UNC13C: variants seen among roughly 807,000 people sequenced by gnomAD.
The protein encoded by UNC13C is protein unc-13 homolog C.
A neutral mutation model predicts 245.4 loss-of-function variants in UNC13C; 174 were observed. That is an observed-to-expected ratio of 0.71 (90% CI 0.63 to 0.80). The LOEUF is 0.80. Ranked by LOEUF, UNC13C falls within the 30% of genes least tolerant of loss-of-function variation. The pLI is 0.00. For missense variants in UNC13C, 2,829 were observed against 2,602.9 expected (o/e 1.09, Z -1.89); for synonymous variants, 992 against 895.1 (o/e 1.11, Z -1.93).
At chr15:54,545,708 CTCATTATTACTGG>C (rs1229944464) in intron 26 of UNC13C, among the ~76,000 whole-genome samples, 4 of 152,022 alleles carry the variant, frequency 2.6e-5, no homozygotes, top group Admixed American at 6.6e-5. Flanking sequence ...TGAAAAAAAG[CTCATTATTACTGG>C]TCATTATTAC....
At chr15:54,200,291 A>G (rs1169556608) in intron 4 of UNC13C, among the ~76,000 whole-genome samples, 1 of 152,086 alleles carries the variant, frequency 6.6e-6, no homozygotes, top group Non-Finnish European at 1.5e-5. Context: ...AAACTCAGCA[A>G]AGAAACAATG....
chr15:53,976,313 T>G (rs990357183), upstream of UNC13C, among the ~76,000 whole-genome samples: 1 of 152,176 alleles, frequency 6.6e-6, no homozygotes, highest in Non-Finnish European at 1.5e-5. Flanking sequence ...ATCGAAGCAT[T>G]CATGAAACAT....
At chr15:54,206,319 G>A (rs2034706589) in intron 4 of UNC13C, among the ~76,000 whole-genome samples, 2 of 151,916 alleles carry the variant, frequency 1.3e-5, no homozygotes, top group South Asian at 4.1e-4. Flanking sequence ...CTCCAATCAA[G>A]TCAAGTGATA....
the UNC13C span, among the ~76,000 whole-genome samples, chr15:53,874,103 G>A: frequency 6.6e-6 from 1 of 152,018 alleles, no homozygotes; most frequent in Admixed American, 6.6e-5. Flanking sequence ...AGCCTACTGA[G>A]TAGCTGGGAC....
intron 10 of UNC13C, among the ~76,000 whole-genome samples, chr15:54,291,592 G>A (rs1367069149): frequency 3.3e-5 from 5 of 151,874 alleles, no homozygotes; most frequent in Non-Finnish European, 4.4e-5. Flanking sequence ...TAATATGGAT[G>A]AAACATTGCC....
chr15:53,907,525 C>T, the UNC13C span, among the ~76,000 whole-genome samples: 2 of 152,064 alleles, frequency 1.3e-5, no homozygotes, highest in East Asian at 1.9e-4. Flanking sequence ...ATTGAGTATT[C>T]CTCTTATATT....
chr15:54,320,051 GC>G (rs1465731947), intron 13 of UNC13C, among the ~76,000 whole-genome samples: 2 of 151,914 alleles, frequency 1.3e-5, no homozygotes, highest in African/African-American at 4.8e-5. Context: ...GTAACAAAGT[GC>G]TTAGAAAAGA....
intron 25 of UNC13C, among the ~76,000 whole-genome samples, chr15:54,532,222 G>A (rs911720730): frequency 1.3e-5 from 2 of 151,916 alleles, no homozygotes; most frequent in African/African-American, 4.8e-5. Flanking sequence ...TCCCCTCCAC[G>A]TGTCCATGCG....
intron 10 of UNC13C, among the ~76,000 whole-genome samples, chr15:54,273,094 C>G (rs1160635922): frequency 6.6e-6 from 1 of 152,114 alleles, no homozygotes; most frequent in Non-Finnish European, 1.5e-5. Flanking sequence ...GACTGTTCTG[C>G]AGGAATCTGT....
intron 17 of UNC13C, among the ~76,000 whole-genome samples, chr15:54,380,844 C>A (rs944908231): frequency 6.6e-6 from 1 of 152,032 alleles, no homozygotes; most frequent in Admixed American, 6.6e-5. Context: ...GAATGTCTTA[C>A]AAATTTTGGG....
chr15:53,879,226 A>T, the UNC13C span, among the ~76,000 whole-genome samples: 2 of 152,314 alleles, frequency 1.3e-5, no homozygotes, highest in East Asian at 1.9e-4. Flanking sequence ...CAATAGCACA[A>T]TCATGGCTCA....
At chr15:54,233,660 A>T (rs543929672) in intron 4 of UNC13C, among the ~76,000 whole-genome samples, 25 of 152,322 alleles carry the variant, frequency 1.6e-4, no homozygotes, top group Middle Eastern at 6.8e-3. Flanking sequence ...AGTTAGGCTC[A>T]TGACGACTAA....
At chr15:54,614,032 G>C (rs1900269939) in intron 30 of UNC13C, among the ~76,000 whole-genome samples, 1 of 151,998 alleles carries the variant, frequency 6.6e-6, no homozygotes, top group South Asian at 2.1e-4. Context: ...TAGTTCCCCA[G>C]AGGGACTTGG....
chr15:54,278,233 A>G (rs1212305567), intron 10 of UNC13C, among the ~76,000 whole-genome samples: 1 of 151,750 alleles, frequency 6.6e-6, no homozygotes, highest in Non-Finnish European at 1.5e-5. Flanking sequence ...TTTATCAGCC[A>G]CTCCTTATGA....
At chr15:54,590,467 G>A (rs772413642) in intron 30 of UNC13C, among the ~76,000 whole-genome samples, 8 of 152,072 alleles carry the variant, frequency 5.3e-5, no homozygotes, top group Non-Finnish European at 1.0e-4. Context: ...TTCTTTCACC[G>A]GTGTTAAGTA....
intron 2 of UNC13C, among the ~76,000 whole-genome samples, chr15:54,107,470 G>A (rs1212936194): frequency 6.6e-6 from 1 of 152,178 alleles, no homozygotes; most frequent in Admixed American, 6.5e-5. Context: ...CATTGAGTTA[G>A]AATATAGAGT....
the UNC13C span, among the ~76,000 whole-genome samples, chr15:53,887,777 C>G: frequency 6.6e-6 from 1 of 152,084 alleles, no homozygotes; most frequent in Non-Finnish European, 1.5e-5. Context: ...TTGTTCAACT[C>G]CCACTTATGA....
chr15:54,486,551 A>C (rs973860435), intron 19 of UNC13C, among the ~76,000 whole-genome samples: 1 of 152,198 alleles, frequency 6.6e-6, no homozygotes, highest in Non-Finnish European at 1.5e-5. Context: ...TCCACATTTT[A>C]GTCCTTAGTT....
intron 4 of UNC13C, among the ~76,000 whole-genome samples, chr15:54,145,719 G>A (rs1470847419): frequency 6.6e-6 from 1 of 152,146 alleles, no homozygotes; most frequent in Non-Finnish European, 1.5e-5. Flanking sequence ...TCATGCACCT[G>A]GAGGTTTATC....
Sources: gnomAD v4.1 joint callset for allele counts (sites outside exome capture counted in the v4.1 genomes callset) on GRCh38, gnomAD v4.1.1 for gene constraint, MANE v1.5 for transcripts, NCBI Gene and HGNC (gene_info 2026-07-23, HGNC 2026-07-21) for gene names.